Variants in HDX observed in about 807,000 individuals in gnomAD.
The protein encoded by HDX is highly divergent homeobox.
In HDX, 19 loss-of-function variants were observed where a neutral mutation model predicts 45.2. That is an observed-to-expected ratio of 0.42 (90% CI 0.29 to 0.62). The LOEUF (loss-of-function observed/expected upper bound fraction) is 0.62, where lower values mean the gene tolerates loss of function less well. Among genes scored for constraint, HDX ranks in the 20% least tolerant of loss-of-function variants. HDX has a pLI of 0.20. For missense variants in HDX, 532 were observed against 493.9 expected, an observed-to-expected ratio of 1.08 and a Z score of -0.73; for synonymous variants, 188 against 172.8, an observed-to-expected ratio of 1.09 and a Z score of -0.69.
intron 6 of HDX, among the ~76,000 whole-genome samples, chrX:84,351,877 G>T (rs925253819): frequency 8.9e-6 from 1 of 112,094 alleles, no homozygotes; most frequent in East Asian, 2.8e-4. Context: ...GCAACAGTCT[G>T]AAACCAGTTT....
chrX:84,399,239 G>C (rs1241459622), intron 5 of HDX, among the ~76,000 whole-genome samples: 3 of 107,788 alleles, frequency 2.8e-5, no homozygotes, highest in African/African-American at 1.0e-4. Flanking sequence ...GAAGGAGATA[G>C]AGACACAAAC....
At chrX:84,408,198 G>A (rs4828259) in intron 5 of HDX, among the ~76,000 whole-genome samples, 12,242 of 110,511 alleles carry the variant, frequency 0.11, 619 homozygotes, top group South Asian at 0.28. Context: ...AGTCTTTAAT[G>A]TATCTTTAGT....
At chrX:84,352,607 G>C (rs1337733423) in intron 6 of HDX, among the ~76,000 whole-genome samples, 3 of 111,432 alleles carry the variant, frequency 2.7e-5, no homozygotes, top group Non-Finnish European at 5.7e-5. Context: ...ATCCCCTCAA[G>C]CATTTATCCT....
chrX:84,405,442 T>TTAAGTGAA (rs1312348096), intron 5 of HDX, among the ~76,000 whole-genome samples: 1 of 110,137 alleles, frequency 9.1e-6, no homozygotes, highest in East Asian at 2.9e-4. Flanking sequence ...AAAAGTAGCA[T>TTAAGTGAA]TAAGTGAATT....
intron 2 of HDX, among the ~76,000 whole-genome samples, chrX:84,484,737 T>C (rs987465205): frequency 3.6e-5 from 4 of 112,035 alleles, no homozygotes; most frequent in Non-Finnish European, 7.5e-5. Flanking sequence ...TGTGAAATGG[T>C]ATCTCATTGT....
At chrX:84,444,460 G>A (rs181529800) in intron 4 of HDX, among the ~76,000 whole-genome samples, 2 of 110,679 alleles carry the variant, frequency 1.8e-5, no homozygotes, top group East Asian at 5.7e-4. Context: ...AGGGTAAGGA[G>A]GTAGGAATTA....
At chrX:84,339,362 G>C (rs1230032701) in intron 7 of HDX, among the ~76,000 whole-genome samples, 1 of 111,347 alleles carries the variant, frequency 9.0e-6, no homozygotes, top group Non-Finnish European at 1.9e-5. Flanking sequence ...TCAGAAGAGA[G>C]TTTATATTGC....
intron 2 of HDX, among the ~76,000 whole-genome samples, chrX:84,478,075 A>T (rs750533743): frequency 8.9e-6 from 1 of 112,188 alleles, no homozygotes; most frequent in African/African-American, 3.2e-5. Flanking sequence ...CATCTTGTCT[A>T]CTACTCTGGG....
intron 5 of HDX, among the ~76,000 whole-genome samples, chrX:84,370,910 A>C (rs1394584830): frequency 8.9e-6 from 1 of 112,433 alleles, no homozygotes. Context: ...CCTAGCAGGA[A>C]GTATCTTTAA....
At chrX:84,478,416 A>G (rs764339362) in intron 2 of HDX, among the ~76,000 whole-genome samples, 2 of 111,908 alleles carry the variant, frequency 1.8e-5, no homozygotes, top group South Asian at 7.4e-4. Flanking sequence ...AGCAAAGGCC[A>G]TATTTTCACA....
intron 7 of HDX, among the ~76,000 whole-genome samples, chrX:84,339,450 T>C (rs1424450906): frequency 8.9e-6 from 1 of 111,784 alleles, no homozygotes; most frequent in African/African-American, 3.2e-5. Context: ...TACACAGTTC[T>C]CCTTTACTGG....
At chrX:84,447,123 A>G (rs996444157) in intron 4 of HDX, among the ~76,000 whole-genome samples, 4 of 111,832 alleles carry the variant, frequency 3.6e-5, no homozygotes, top group Admixed American at 1.9e-4. Context: ...AGGAATATAT[A>G]GAGCAGCTAA....
intron 1 of HDX, among the ~76,000 whole-genome samples, chrX:84,496,229 G>A (rs901693087): frequency 8.9e-6 from 1 of 111,770 alleles, no homozygotes; most frequent in African/African-American, 3.3e-5. Flanking sequence ...AATGGAGAAT[G>A]CTTAGATCGC....
intron 5 of HDX, among the ~76,000 whole-genome samples, chrX:84,420,613 A>C: frequency 8.9e-6 from 1 of 111,930 alleles, no homozygotes; most frequent in South Asian, 3.7e-4. Flanking sequence ...AACCTAGAGA[A>C]AGATATCAAT....
chrX:84,494,959 T>C (rs1241897556), intron 1 of HDX, among the ~76,000 whole-genome samples: 1 of 111,365 alleles, frequency 9.0e-6, no homozygotes, highest in East Asian at 2.8e-4. Context: ...TATCAACAGA[T>C]GAATGGATAA....
intron 5 of HDX, among the ~76,000 whole-genome samples, chrX:84,398,738 C>G (rs1189349621): frequency 8.9e-6 from 1 of 112,215 alleles, no homozygotes; most frequent in Non-Finnish European, 1.9e-5. Context: ...CTACAGAATT[C>G]TCCACCACAA....
chrX:84,419,712 C>G (rs1386702667), intron 5 of HDX, among the ~76,000 whole-genome samples: 1 of 111,741 alleles, frequency 8.9e-6, no homozygotes, highest in Non-Finnish European at 1.9e-5. Context: ...TTAGGTGATA[C>G]CCAATGCTGT....
chrX:84,463,622 G>C (rs926534802), intron 4 of HDX, among the ~76,000 whole-genome samples: 21 of 110,850 alleles, frequency 1.9e-4, no homozygotes, highest in Non-Finnish European at 3.4e-4. Flanking sequence ...TATTTATGGC[G>C]CCTTTCTTCC....
chrX:84,472,487 G>A (rs2040471639), intron 3 of HDX, among the ~76,000 whole-genome samples: 1 of 110,794 alleles, frequency 9.0e-6, no homozygotes, highest in Non-Finnish European at 1.9e-5. Flanking sequence ...AAAATAGGAG[G>A]GATATTAGTG....
Sources: allele counts gnomAD v4.1 joint callset (sites outside exome capture counted in the v4.1 genomes callset), GRCh38; gene constraint gnomAD v4.1.1; transcripts MANE v1.5; gene names NCBI Gene and HGNC (gene_info 2026-07-23, HGNC 2026-07-21).